Variants in ZNF469 observed in about 807,000 individuals in gnomAD.
ZNF469 encodes the protein zinc finger protein 469.
ZNF469 carries 1 observed loss-of-function variant against 1.0 expected under a neutral mutation model. That is an observed-to-expected ratio of 1.00 (90% CI 0.35 to 4.73). ZNF469 has a LOEUF of 4.73. Among genes scored for constraint, ZNF469 ranks in the 30% most tolerant of loss-of-function variants. The probability of loss-of-function intolerance (pLI) is 0.16; values close to 1 mark genes in which losing one functional copy is unlikely to be tolerated. For synonymous variants in ZNF469, 2,703 were observed against 2,363.4 expected (o/e 1.14, Z -4.17); for missense variants, 6,100 against 5,356.3 (o/e 1.14, Z -4.33).
At chr16:88,154,347 G>A in the ZNF469 span, among the ~76,000 whole-genome samples, 5 of 152,142 alleles carry the variant, frequency 3.3e-5, no homozygotes, top group Admixed American at 6.5e-5. Context: ...TAGTAGAGAT[G>A]TAGAGATGGG....
At chr16:88,309,684 C>T in the ZNF469 span, among the ~76,000 whole-genome samples, 402 of 151,148 alleles carry the variant, frequency 2.7e-3, 3 homozygotes, top group African/African-American at 9.2e-3. Context: ...GTGTTCAGGA[C>T]ATCTGACGGG....
chr16:88,310,048 C>T, the ZNF469 span, among the ~76,000 whole-genome samples: 3 of 152,102 alleles, frequency 2.0e-5, no homozygotes, highest in Non-Finnish European at 4.4e-5. Context: ...AATTCCTGTG[C>T]ACTGAGTGGC....
the ZNF469 span, among the ~76,000 whole-genome samples, chr16:88,150,563 C>T: frequency 1.3e-5 from 2 of 152,168 alleles, no homozygotes; most frequent in Non-Finnish European, 2.9e-5. Flanking sequence ...GGTGGACTCT[C>T]AGTGCCTGGA....
intron 1 of ZNF469, among the ~76,000 whole-genome samples, chr16:88,383,473 G>A (rs2092530532): frequency 6.7e-6 from 1 of 148,928 alleles, no homozygotes; most frequent in Non-Finnish European, 1.5e-5. Context: ...GTGCGGGGCA[G>A]CGAGCGCCGG....
At chr16:88,147,383 C>T in the ZNF469 span, among the ~76,000 whole-genome samples, 1 of 152,052 alleles carries the variant, frequency 6.6e-6, no homozygotes, top group African/African-American at 2.4e-5. Flanking sequence ...GTTTTAGCCA[C>T]AGAGACTGTG....
chr16:88,223,948 C>G, the ZNF469 span, among the ~76,000 whole-genome samples: 1 of 152,214 alleles, frequency 6.6e-6, no homozygotes. Flanking sequence ...GCCGAATGAA[C>G]GAGCGGAGGA....
At chr16:88,261,391 A>G in the ZNF469 span, among the ~76,000 whole-genome samples, 319 of 152,262 alleles carry the variant, frequency 2.1e-3, 1 homozygote, top group Non-Finnish European at 3.3e-3. The surrounding 1 kb of genome is among the most constrained non-coding windows in gnomAD (Gnocchi z 6.0). Context: ...GCTAAGGGGT[A>G]AGTACATGTG....
chr16:88,393,150 A>G (rs999507956), intron 1 of ZNF469, among the ~76,000 whole-genome samples: 1 of 152,254 alleles, frequency 6.6e-6, no homozygotes, highest in Non-Finnish European at 1.5e-5. Context: ...GTCTATAAAT[A>G]CATTCTAAAC....
chr16:88,106,524 T>C, the ZNF469 span, among the ~76,000 whole-genome samples: 2 of 152,252 alleles, frequency 1.3e-5, no homozygotes, highest in African/African-American at 2.4e-5. Flanking sequence ...AGAGGGCAAA[T>C]GTGAACAGAG....
upstream of ZNF469, among the ~76,000 whole-genome samples, chr16:88,379,181 A>G (rs1329420008): frequency 1.3e-5 from 2 of 151,830 alleles, no homozygotes; most frequent in African/African-American, 2.4e-5. Context: ...GACCCAGGAA[A>G]CCTCGCCCCC....
At chr16:88,293,204 G>T in the ZNF469 span, among the ~76,000 whole-genome samples, 1 of 151,892 alleles carries the variant, frequency 6.6e-6, no homozygotes, top group South Asian at 2.1e-4. Flanking sequence ...ATGAATGGAT[G>T]GGTAGATGGA....
rs1390992103 is a variant in ZNF469 at position 88,438,142 on chromosome 16, T to G, written c.10672T>G (p.Phe3558Val). The change falls in exon 3 of 3, where the codon TTC becomes GTC. Residue 3558 changes from phenylalanine to valine, a missense_variant. Transcript: ENST00000565624. ...GTGTCCCCCGCCGTCTCTGTCTCCC[T>G]TCCCAGCTGCCTTGGCTGATGGCAG... Reference protein sequence around the residue: ...QECPPPSLSPFPAALADGRGD... With the variant: ...QECPPPSLSPVPAALADGRGD... 6.5e-7 allele frequency: 1 copy of G among 1,550,320 alleles called. No individual in the cohort carries two copies. Among genetic ancestry groups the G allele is most frequent in the Non-Finnish European group, 8.7e-7 (1 of 1,146,940 alleles).
At chr16:88,367,737 C>T in the ZNF469 span, among the ~76,000 whole-genome samples, 1 of 152,368 alleles carries the variant, frequency 6.6e-6, no homozygotes, top group Non-Finnish European at 1.5e-5. Flanking sequence ...CTGGCAGCTG[C>T]TCATCGGCTG....
the ZNF469 span, among the ~76,000 whole-genome samples, chr16:88,289,400 T>A: frequency 6.6e-6 from 1 of 150,506 alleles, no homozygotes; most frequent in Non-Finnish European, 1.5e-5. Flanking sequence ...ATCATGATGA[T>A]GGTGATGATG....
At chr16:88,198,741 G>A in the ZNF469 span, among the ~76,000 whole-genome samples, 35 of 152,186 alleles carry the variant, frequency 2.3e-4, no homozygotes, top group African/African-American at 7.2e-4. Context: ...GCTTTGTTTC[G>A]TGGTGGTTCT....
chr16:88,314,656 T>A, the ZNF469 span, among the ~76,000 whole-genome samples: 1 of 151,628 alleles, frequency 6.6e-6, no homozygotes, highest in Non-Finnish European at 1.5e-5. Flanking sequence ...CAGGCAGTGC[T>A]GGTGTGGGCT....
At chr16:88,168,101 A>G in the ZNF469 span, among the ~76,000 whole-genome samples, 1 of 152,244 alleles carries the variant, frequency 6.6e-6, no homozygotes, top group Non-Finnish European at 1.5e-5. The surrounding 1 kb of genome is among the most constrained non-coding windows in gnomAD (Gnocchi z 4.3). Context: ...ATCAAAACAC[A>G]GTTTTGTAAG....
the ZNF469 span, among the ~76,000 whole-genome samples, chr16:88,189,078 A>G: frequency 6.6e-6 from 1 of 152,140 alleles, no homozygotes; most frequent in Non-Finnish European, 1.5e-5. This position sits in a 1 kb window ranked among gnomAD's most constrained non-coding sequence, Gnocchi z 4.3. Context: ...CACTGAAAGG[A>G]CATTGCTTAT....
At chr16:88,281,686 C>A in the ZNF469 span, among the ~76,000 whole-genome samples, 2 of 150,966 alleles carry the variant, frequency 1.3e-5, no homozygotes, top group African/African-American at 4.9e-5. Flanking sequence ...CACACCAACA[C>A]TCGGTCAGTA....
Sources: gnomAD v4.1 joint callset for allele counts (sites outside exome capture counted in the v4.1 genomes callset) on GRCh38, gnomAD v4.1.1 for gene constraint, Gnocchi (gnomAD v3.1) non-coding constraint, MANE v1.5 for transcripts, NCBI Gene and HGNC (gene_info 2026-07-23, HGNC 2026-07-21) for gene names.